The following PHC2 variants were observed in gnomAD, a reference collection of about 807,000 sequenced individuals.
PHC2 encodes polyhomeotic homolog 2, also known as polyhomeotic-like protein 2.
PHC2 carries 29 observed loss-of-function variants against 87.4 expected under a neutral mutation model. That is an observed-to-expected ratio of 0.33 (90% CI 0.25 to 0.45). The LOEUF (loss-of-function observed/expected upper bound fraction) is 0.45, where lower values mean the gene tolerates loss of function less well. PHC2 is among the 20% of genes least tolerant of loss of function. The pLI, the probability that PHC2 is intolerant of heterozygous loss-of-function variation, is 1.00. For missense variants in PHC2, 857 were observed against 1,136.7 expected (o/e 0.75, Z 3.54); for synonymous variants, 438 against 461.7 (o/e 0.95, Z 0.66).
In PHC2 at chr1:33,364,635, A is replaced by G. The variant is rs545164139; in HGVS notation, c.976+2481T>C. ...GGACCTTCCCCTACTAAAACTCCCC[A>G]GCTGCCTTCCATATGGGAGGTGGGA... On this transcript the variant is annotated intron_variant, in intron 7 of 14. Coordinates refer to ENST00000683057, the MANE Select transcript of PHC2 (RefSeq NM_001385109.1). This position sits in a 1 kb window ranked among gnomAD's most constrained non-coding sequence, Gnocchi z 4.1. Among the ~76,000 whole-genome samples the G allele has an allele frequency of 1.1e-4, 17 of 152,278 alleles. No homozygotes were observed. The South Asian group carries it at 3.5e-3, about 32-fold the overall frequency.
intron 1 of PHC2, among the ~76,000 whole-genome samples, chr1:33,390,371 CTAGAG>C (rs1648987557): frequency 6.6e-6 from 1 of 152,176 alleles, no homozygotes; most frequent in African/African-American, 2.4e-5. Flanking sequence ...CATCTAGTTA[CTAGAG>C]TAAATTCCAT....
Position 33,349,952 on chromosome 1 carries a change from A to T in PHC2, c.1558+4449T>A. 2.4e-5 allele frequency: 5 copies of T among 208,500 alleles called. No homozygotes were observed. The highest frequency in any genetic ancestry group is 3.5e-5 in the Non-Finnish European group (5 of 141,306). 12.9% of individuals were successfully genotyped at this position (208,500 alleles called of 1,614,324 possible). A position where few individuals can be genotyped will look rare whatever the true frequency, so the allele number is the denominator to read the frequency against. ...GCCTCCGCCGGGGGCGGGGCGAGGG[A>T]GCGGGGCGGGGAGGGGCGGGGCCGC... On this transcript the variant is annotated intron_variant, in intron 9 of 14. Coordinates refer to ENST00000683057, the MANE Select transcript of PHC2 (RefSeq NM_001385109.1). The surrounding 1 kb of genome is among the most constrained non-coding windows in gnomAD (Gnocchi z 4.2).
intron 14 of PHC2, among the ~76,000 whole-genome samples, chr1:33,327,958 T>G (rs1646407051): frequency 6.6e-6 from 1 of 152,232 alleles, no homozygotes. Flanking sequence ...ATAAAAATTT[T>G]GGGGATGAAG....
rs1329162114 is a variant in PHC2, at chr1:33,431,063, A to G, written c.-142T>C. On this transcript the variant is annotated 5_prime_UTR_variant, in exon 1 of 15. Coordinates refer to ENST00000683057, the MANE Select transcript of PHC2 (RefSeq NM_001385109.1). ...CCGCCCCCTCGGCTCGGCGCCGCGC[A>G]CCCTGCTGGCTGCTCGGACGCTGCC... 1 of 151,584 alleles carries G rather than the reference A, an allele frequency of 6.6e-6. No homozygotes were observed. Among genetic ancestry groups the G allele is most frequent in the Non-Finnish European group, 1.5e-5 (1 of 67,672 alleles). 9.4% of individuals were successfully genotyped at this position (151,584 alleles called of 1,614,324 possible).
In PHC2 at chr1:33,349,588, G is replaced by A. The variant is rs1188911350; in HGVS notation, c.1558+4813C>T. 8 of 983,732 alleles carry A rather than the reference G, an allele frequency of 8.1e-6. No individual in the cohort carries two copies. Among genetic ancestry groups the A allele is most frequent in the Non-Finnish European group, 9.6e-6 (8 of 829,114 alleles). The allele number at this position is 983,732 out of a possible 1,614,324, so 60.9% of individuals were successfully genotyped here. On this transcript the variant is annotated intron_variant, in intron 9 of 14. Coordinates refer to ENST00000683057, the MANE Select transcript of PHC2 (RefSeq NM_001385109.1). This position sits in a 1 kb window ranked among gnomAD's most constrained non-coding sequence, Gnocchi z 4.2. Reference sequence around the variant, plus strand: ...CTGGCGAGAACCCCTCCCCCGCCCCGGCACTGACCTGTCCAGGGCCCGGCT... The same window carrying A: ...CTGGCGAGAACCCCTCCCCCGCCCCAGCACTGACCTGTCCAGGGCCCGGCT...
chr1:33,384,688 C>T (rs1337182138), intron 1 of PHC2, among the ~76,000 whole-genome samples: 1 of 152,210 alleles, frequency 6.6e-6, no homozygotes, highest in Non-Finnish European at 1.5e-5. Flanking sequence ...TCACCCTTTG[C>T]AGTTCAGCTA....
Position 33,382,143 on chromosome 1 carries a change from T to A in PHC2, c.-54-6550A>T, listed in dbSNP as rs1306841789. Among the ~76,000 whole-genome samples, 1 of 152,178 alleles carries A rather than the reference T, an allele frequency of 6.6e-6. No individual in the cohort carries two copies. The highest frequency in any genetic ancestry group is 1.5e-5 in the Non-Finnish European group (1 of 68,036). On this transcript the variant is annotated intron_variant, in intron 1 of 14. Transcript: ENST00000683057. This position sits in a 1 kb window ranked among gnomAD's most constrained non-coding sequence, Gnocchi z 4.3. ...GTTGGAAGAAAACATAATTAGTAAG[T>A]GTGGACCCATATAACAGCTTTAAAA...
At chr1:33,408,069 T>A (rs1382489738) in intron 1 of PHC2, among the ~76,000 whole-genome samples, 2 of 152,232 alleles carry the variant, frequency 1.3e-5, no homozygotes, top group Non-Finnish European at 2.9e-5. Context: ...TTTTATTATT[T>A]TGTTACCTTT....
chr1:33,375,305 C>T, intron 2 of PHC2, 61 bp downstream of exon 2: 1 of 1,358,960 alleles, frequency 7.4e-7, no homozygotes, highest in African/African-American at 1.5e-5. Context: ...GCCAACACCT[C>T]CTCCTTGCTA....
chr1:33,421,602 GGATA>G (rs1650437270), intron 1 of PHC2, among the ~76,000 whole-genome samples: 16 of 152,224 alleles, frequency 1.1e-4, no homozygotes, highest in Admixed American at 1.0e-3. Context: ...ATGAAACAGA[GGATA>G]GACAAGAGAA....
intron 9 of PHC2, among the ~76,000 whole-genome samples, chr1:33,348,043 C>T (rs1646878040): frequency 6.6e-6 from 1 of 152,218 alleles, no homozygotes; most frequent in Non-Finnish European, 1.5e-5. Flanking sequence ...CAGTACTTTA[C>T]CTAAAATGGG....
chr1:33,424,422 TTC>T (rs1650586229), intron 1 of PHC2, among the ~76,000 whole-genome samples: 1 of 152,118 alleles, frequency 6.6e-6, no homozygotes, highest in African/African-American at 2.4e-5. Flanking sequence ...TCCTGCGAGG[TTC>T]TCTCTTCTGT....
rs189488381 is a variant in PHC2, at chr1:33,327,820, C to T, written c.2425+1050G>A. Among the ~76,000 whole-genome samples, 104 of 152,334 alleles carry T rather than the reference C, an allele frequency of 6.8e-4. 1 individual carries two copies. The highest frequency in any genetic ancestry group is 2.1e-4 in the Non-Finnish European group (14 of 68,038). ...TGAGTGAGGCACCTTGGAAGAGATCCCACAGCTCTTCAGTATTCACGTGAC... is the reference window on the plus strand; with the variant it reads ...TGAGTGAGGCACCTTGGAAGAGATCTCACAGCTCTTCAGTATTCACGTGAC... On this transcript the variant is annotated intron_variant, in intron 14 of 14. Coordinates refer to ENST00000683057, the MANE Select transcript of PHC2 (RefSeq NM_001385109.1).
At chr1:33,371,487 ACCG>A (rs1384675026) in intron 3 of PHC2, among the ~76,000 whole-genome samples, 11 of 151,810 alleles carry the variant, frequency 7.2e-5, no homozygotes, top group Non-Finnish European at 1.3e-4. Context: ...ACACCTGGCC[ACCG>A]CCATCACACC....
Position 33,324,964 on chromosome 1 carries a change from C to T in PHC2, c.2481G>A (p.Leu827=), listed in dbSNP as rs995990178. 8.7e-6 allele frequency: 14 copies of T among 1,613,734 alleles called. No homozygotes were observed. The highest frequency in any genetic ancestry group is 1.1e-5 in the Non-Finnish European group (13 of 1,179,832). ...FRAQEIDGQA[L]LLLKEDHLMS... is the part of the protein sequence containing the mutation. The stretch of plus-strand genomic sequence containing the variant: ...TCAGGTGGTCCTCCTTGAGCAGCAG[C>T]AGGGCTTGCCCGTCGATTTCCTGGG... Residue 827 remains leucine, a synonymous_variant, in exon 15 of 15, where the codon CTG becomes CTA. Coordinates refer to ENST00000683057, the MANE Select transcript of PHC2 (RefSeq NM_001385109.1).
At chr1:33,326,571 G>C (rs1646375676) in intron 14 of PHC2, among the ~76,000 whole-genome samples, 1 of 152,142 alleles carries the variant, frequency 6.6e-6, no homozygotes, top group African/African-American at 2.4e-5. Context: ...GATAATTCTG[G>C]GTGTGGTTTT....
chr1:33,377,040 G>A (rs184778659), intron 1 of PHC2, among the ~76,000 whole-genome samples: 2 of 152,304 alleles, frequency 1.3e-5, no homozygotes, highest in East Asian at 3.9e-4. Context: ...TGGATCTAAC[G>A]CTTAGCAGGG....
chr1:33,412,150 T>C (rs1230505053), intron 1 of PHC2, among the ~76,000 whole-genome samples: 1 of 152,164 alleles, frequency 6.6e-6, no homozygotes, highest in Non-Finnish European at 1.5e-5. Flanking sequence ...TAAAACTGTA[T>C]TTGCAAACAA....
chr1:33,420,327 T>C (rs970263729), intron 1 of PHC2, among the ~76,000 whole-genome samples: 2 of 152,068 alleles, frequency 1.3e-5, no homozygotes, highest in Non-Finnish European at 2.9e-5. Flanking sequence ...ATCACAAACT[T>C]TGGGGGAGGG....
Sources: gnomAD v4.1 joint callset for allele counts (sites outside exome capture counted in the v4.1 genomes callset) on GRCh38, gnomAD v4.1.1 for gene constraint, Gnocchi (gnomAD v3.1) non-coding constraint, MANE v1.5 for transcripts, NCBI Gene and HGNC (gene_info 2026-07-23, HGNC 2026-07-21) for gene names.